NOVA1: variants seen among roughly 807,000 people sequenced by gnomAD.
NOVA1 encodes the protein RNA-binding protein Nova-1.
In NOVA1, 7 loss-of-function variants were observed where a neutral mutation model predicts 38.0. The observed-to-expected ratio is 0.18, with a 90% CI of 0.10 to 0.35. NOVA1 has a LOEUF of 0.35. Ranked by LOEUF, NOVA1 falls within the 10% of genes least tolerant of loss-of-function variation. The probability of loss-of-function intolerance (pLI) is 1.00; values close to 1 mark genes in which losing one functional copy is unlikely to be tolerated. For missense variants in NOVA1, 460 were observed against 616.0 expected, an observed-to-expected ratio of 0.75 and a Z score of 2.68; for synonymous variants, 270 against 232.5, an observed-to-expected ratio of 1.16 and a Z score of -1.47.
intron 1 of NOVA1, 84 bp downstream of exon 1, chr14:26,597,201 GGGAGGGAGGGAGGGAA>G (rs1360373510): frequency 4.3e-5 from 47 of 1,086,950 alleles, no homozygotes; most frequent in Admixed American, 8.7e-5. Context: ...TCCGGGCCGC[GGGAGGGAGGGAGGGAA>G]GGAGGGAGGG....
chr14:26,547,260 A>T (rs1197089987), intron 2 of NOVA1, among the ~76,000 whole-genome samples: 2 of 152,156 alleles, frequency 1.3e-5, no homozygotes, highest in Admixed American at 6.5e-5. Flanking sequence ...CCCTTTGAAA[A>T]TCACCAATAG....
chr14:26,515,091 A>T (rs1048348106), intron 2 of NOVA1, among the ~76,000 whole-genome samples: 1 of 152,006 alleles, frequency 6.6e-6, no homozygotes, highest in Non-Finnish European at 1.5e-5. Flanking sequence ...AACAAAGAAC[A>T]AAAGTGGACA....
chr14:26,550,371 C>T (rs1426343186), intron 2 of NOVA1, among the ~76,000 whole-genome samples: 2 of 152,118 alleles, frequency 1.3e-5, no homozygotes, highest in Non-Finnish European at 2.9e-5. Flanking sequence ...TGAAATTAGT[C>T]CTCAACAACT....
intron 2 of NOVA1, among the ~76,000 whole-genome samples, chr14:26,561,738 A>G (rs1409118162): frequency 1.3e-5 from 2 of 152,222 alleles, no homozygotes; most frequent in Non-Finnish European, 2.9e-5. Flanking sequence ...TTTCTTAAAG[A>G]AATAAAAGTT....
intron 4 of NOVA1, 169 bp downstream of exon 4, chr14:26,472,151 A>G: frequency 1.9e-6 from 1 of 521,890 alleles, no homozygotes; most frequent in Non-Finnish European, 3.5e-6. Context: ...AAAAATGCAT[A>G]TAAAATTTTA....
In NOVA1 at chr14:26,444,492, AGTTT is replaced by A. The variant is rs1881921585; in HGVS notation, c.*3463_*3466del. 1 of 152,162 alleles carries A rather than the reference AGTTT, an allele frequency of 6.6e-6. No homozygotes were observed. The highest frequency in any genetic ancestry group is 1.5e-5 in the Non-Finnish European group (1 of 68,028). 9.4% of individuals were successfully genotyped at this position (152,162 alleles called of 1,614,324 possible). A position where few individuals can be genotyped will look rare whatever the true frequency, so the allele number is the denominator to read the frequency against. On this transcript the variant is annotated 3_prime_UTR_variant, in exon 5 of 5. Transcript: ENST00000539517. ...GGTGGTGTGGCAATATCATTTTAAAAGTTTGTTACAGATGTGATGGGAAGCTGGA... is the reference window on the plus strand; with the variant it reads ...GGTGGTGTGGCAATATCATTTTAAAAGTTACAGATGTGATGGGAAGCTGGA...
chr14:26,583,365 T>A (rs1893332774), intron 2 of NOVA1, among the ~76,000 whole-genome samples: 1 of 151,658 alleles, frequency 6.6e-6, no homozygotes, highest in African/African-American at 2.4e-5. Context: ...AATACAGATA[T>A]CAATTTTAAG....
At chr14:26,490,901 G>A (rs1886285201) in intron 2 of NOVA1, among the ~76,000 whole-genome samples, 1 of 140,536 alleles carries the variant, frequency 7.1e-6, no homozygotes, top group Non-Finnish European at 1.5e-5. Context: ...CCAGGCTGGA[G>A]TGCAGTGGCG....
intron 2 of NOVA1, among the ~76,000 whole-genome samples, chr14:26,585,746 T>A (rs1893475986): frequency 6.6e-6 from 1 of 151,282 alleles, no homozygotes. Flanking sequence ...TAACATACTC[T>A]CCATAATATT....
At chr14:26,541,558 TA>T (rs1890468066) in intron 2 of NOVA1, among the ~76,000 whole-genome samples, 1 of 148,254 alleles carries the variant, frequency 6.7e-6, no homozygotes, top group Non-Finnish European at 1.5e-5. Context: ...TTATAATTGA[TA>T]CATACTAGAT....
chr14:26,583,719 A>G (rs1298826656), intron 2 of NOVA1, among the ~76,000 whole-genome samples: 2 of 151,534 alleles, frequency 1.3e-5, no homozygotes, highest in African/African-American at 4.8e-5. Context: ...ATACTTATAA[A>G]TGATGAAAAA....
In NOVA1 at chr14:26,446,776, T is replaced by C. The variant is rs531110808; in HGVS notation, c.*1183A>G. ...TGTCAAAAAGCCTGACAAAGGTAGATAACACTACCTCTCAAGATAAGCTGC... is the reference window on the plus strand; with the variant it reads ...TGTCAAAAAGCCTGACAAAGGTAGACAACACTACCTCTCAAGATAAGCTGC... On this transcript the variant is annotated 3_prime_UTR_variant, in exon 5 of 5. Transcript: ENST00000539517. The C allele has an allele frequency of 6.5e-6, 1 of 152,728 alleles. No homozygotes were observed. The highest frequency in any genetic ancestry group is 2.1e-4 in the South Asian group (1 of 4,818). The allele number at this position is 152,728 out of a possible 1,614,324, so 9.5% of individuals were successfully genotyped here. A position where few individuals can be genotyped will look rare whatever the true frequency, so the allele number is the denominator to read the frequency against.
chr14:26,593,470 T>C (rs1388236571), intron 2 of NOVA1: 1 of 151,924 alleles, frequency 6.6e-6, no homozygotes, highest in Non-Finnish European at 1.5e-5. Flanking sequence ...CGAGGCTTTA[T>C]TTTATCCTTA....
chr14:26,585,998 TTCAG>T (rs1159023573), intron 2 of NOVA1, among the ~76,000 whole-genome samples: 2 of 151,394 alleles, frequency 1.3e-5, no homozygotes, highest in Non-Finnish European at 3.0e-5. Context: ...AAATGGTTCA[TTCAG>T]TCATTCATTC....
At chr14:26,585,832 C>A (rs1893483082) in intron 2 of NOVA1, among the ~76,000 whole-genome samples, 2 of 151,068 alleles carry the variant, frequency 1.3e-5, no homozygotes, top group South Asian at 4.1e-4. Context: ...CTGTACCTAG[C>A]CAATACCTAC....
intron 2 of NOVA1, among the ~76,000 whole-genome samples, chr14:26,586,651 A>G (rs2138791624): frequency 6.6e-6 from 1 of 151,298 alleles, no homozygotes; most frequent in East Asian, 1.9e-4. Context: ...GCAAGAAAGA[A>G]AAAAAGTACA....
chr14:26,486,572 GGTGGT>G (rs1249382879), intron 2 of NOVA1, among the ~76,000 whole-genome samples: 1 of 151,128 alleles, frequency 6.6e-6, no homozygotes, highest in Admixed American at 6.6e-5. Flanking sequence ...AGCCAGGCGT[GGTGGT>G]GGGCACCTGT....
intron 2 of NOVA1, among the ~76,000 whole-genome samples, chr14:26,482,331 C>T (rs1885537656): frequency 6.6e-6 from 1 of 152,110 alleles, no homozygotes; most frequent in Non-Finnish European, 1.5e-5. Context: ...TCTATATCTA[C>T]CACTCAGAAA....
intron 2 of NOVA1, chr14:26,549,401 T>C (rs1891033321): frequency 6.5e-6 from 1 of 152,992 alleles, no homozygotes; most frequent in South Asian, 2.0e-4. Context: ...TTTGGTTACT[T>C]AAAAATATTT....
Sources: allele counts gnomAD v4.1 joint callset (sites outside exome capture counted in the v4.1 genomes callset), GRCh38; gene constraint gnomAD v4.1.1; transcripts MANE v1.5; gene names NCBI Gene and HGNC (gene_info 2026-07-23, HGNC 2026-07-21).